ERI1: variants seen among roughly 807,000 people sequenced by gnomAD.
ERI1 encodes 3'-5' exoribonuclease 1.
A neutral mutation model predicts 39.7 loss-of-function variants in ERI1; 39 were observed. That is an observed-to-expected ratio of 0.98 (90% confidence interval 0.76 to 1.28). The LOEUF (loss-of-function observed/expected upper bound fraction) is 1.28. Ranked by LOEUF, ERI1 falls within the 50% of genes most tolerant of loss-of-function variation. The pLI is 0.00. For missense variants in ERI1, 581 were observed against 416.9 expected (o/e 1.39, Z -3.43); for synonymous variants, 204 against 149.6 (o/e 1.36, Z -2.65).
At chr8:9,020,559 A>T in intron 6 of ERI1, 95 bp downstream of exon 6, 1 of 766,820 alleles carries the variant, frequency 1.3e-6, no homozygotes, top group Non-Finnish European at 2.0e-6. Context: ...GGTGTTTTTC[A>T]TGGAAAAAAG....
rs543235098 is a variant in ERI1 at position 9,067,675 on chromosome 8, A to G, written n.299+47211A>G. On this transcript the variant is annotated intron_variant and non_coding_transcript_variant, in intron 3 of 3. Coordinates refer to the ERI1 transcript ENST00000518663. ...TTCTAAAAAAAAAAAAAAAAAGGTG[A>G]CAAGACCTTCCATAACATGGATAAG... Among the ~76,000 whole-genome samples the G allele has an allele frequency of 9.4e-5, 14 of 149,340 alleles. No individual in the cohort carries two copies. In the South Asian group the frequency reaches 3.0e-3, roughly 32 times the overall value.
At chr8:9,040,249 A>G (rs1055946298) in intron 3 of ERI1, among the ~76,000 whole-genome samples, 7 of 152,162 alleles carry the variant, frequency 4.6e-5, no homozygotes, top group Admixed American at 3.9e-4. Flanking sequence ...CTTTCACTTT[A>G]CCACATATTC....
Position 9,098,063 on chromosome 8 carries a change from T to G in ERI1, n.300-18285T>G, listed in dbSNP as rs150552004. 2.5e-3 allele frequency among the ~76,000 whole-genome samples: 380 copies of G among 152,286 alleles called. 2 individuals are homozygous for G. The highest frequency in any genetic ancestry group is 8.7e-3 in the African/African-American group (360 of 41,558). On this transcript the variant is annotated intron_variant and non_coding_transcript_variant, in intron 3 of 3. Transcript: ENST00000518663. ...CATGTTCTCACTCCTAAGTGGGAGC[T>G]AAGCTATGAGGATGCAAAGACATGA...
intron 3 of ERI1, among the ~76,000 whole-genome samples, chr8:9,083,650 G>A (rs570882801): frequency 8.0e-5 from 12 of 149,172 alleles, no homozygotes; most frequent in African/African-American, 1.5e-4. Flanking sequence ...AAAAAAAAGC[G>A]GGGGGGAAGA....
downstream of ERI1, among the ~76,000 whole-genome samples, chr8:9,037,732 C>G (rs1437476908): frequency 2.6e-5 from 4 of 152,066 alleles, no homozygotes; most frequent in Non-Finnish European, 4.4e-5. Context: ...GAGCTATCCC[C>G]TTTCCTTTTA....
In ERI1 at chr8:9,018,288, T is replaced by C. The variant is rs747593226; in HGVS notation, c.583-9T>C. On this transcript the variant is annotated splice_polypyrimidine_tract_variant and intron_variant, in intron 4 of 6. Transcript: ENST00000250263. Reference sequence around the variant, plus strand: ...CTGATTTTTGTATATTTTACTTTTATATCCTCAGGATCAGGTAGACAGAGC... The same window carrying C: ...CTGATTTTTGTATATTTTACTTTTACATCCTCAGGATCAGGTAGACAGAGC... The C allele has an allele frequency of 1.2e-5, 18 of 1,560,362 alleles. 1 individual carries two copies. In the South Asian group the frequency reaches 1.6e-4, roughly 14 times the overall value.
In ERI1 at chr8:9,067,514, G is replaced by A. The variant is rs115224405; in HGVS notation, n.299+47050G>A. On this transcript the variant is annotated intron_variant and non_coding_transcript_variant, in intron 3 of 3. Coordinates refer to the ERI1 transcript ENST00000518663. Reference sequence around the variant, plus strand: ...TACAAAAGATGCAAAAATTAGCTGGGCATGGTGGCATACACCTATTGTCCT... The same window carrying A: ...TACAAAAGATGCAAAAATTAGCTGGACATGGTGGCATACACCTATTGTCCT... Among the ~76,000 whole-genome samples the A allele has an allele frequency of 6.3e-3, 952 of 151,902 alleles. 10 individuals are homozygous for A. The highest frequency in any genetic ancestry group is 0.022 in the African/African-American group (926 of 41,400).
chr8:9,049,092 A>G (rs1798269448), intron 3 of ERI1, among the ~76,000 whole-genome samples: 1 of 151,946 alleles, frequency 6.6e-6, no homozygotes, highest in Admixed American at 6.6e-5. Context: ...TAATTCCAGC[A>G]CTTTGGGAGG....
chr8:9,008,138 C>CTT lies in ERI1; in HGVS notation c.278_279dup (p.Glu94LeufsTer6), dbSNP rs1442924674. ...CAGAGCTAAGCTTTCAGAATTCAAGCTTGAAACTAGGTAATTAAAAATAAC... is the reference window on the plus strand; with the variant it reads ...CAGAGCTAAGCTTTCAGAATTCAAGCTTTTGAAACTAGGTAATTAAAAATAAC... On this transcript the variant is annotated frameshift_variant, in exon 2 of 7. Transcript: ENST00000250263. LOFTEE classifies it high-confidence loss of function. 6.3e-7 allele frequency: 1 copy of CTT among 1,583,798 alleles called. No individual in the cohort carries two copies.
chr8:9,043,834 A>G (rs1478511507), intron 3 of ERI1, among the ~76,000 whole-genome samples: 2 of 152,240 alleles, frequency 1.3e-5, no homozygotes, highest in African/African-American at 2.4e-5. Flanking sequence ...ACTACAGGCC[A>G]TAATTGTATT....
At position 9,011,557 on chromosome 8, in the gene ERI1, T is replaced by C. The variant is rs1563312779; in HGVS notation, c.303T>C (p.Val101=). 2 of 1,607,540 alleles carry C rather than the reference T, an allele frequency of 1.2e-6. No individual in the cohort carries two copies. The highest frequency in any genetic ancestry group is 1.3e-5 in the African/African-American group (1 of 74,490). Residue 101 remains valine, a synonymous_variant, in exon 3 of 7, where the codon GTT becomes GTC. Transcript: ENST00000250263. ...FKLETRGVKD[V]LKKRLKNYYK... is the part of the protein sequence containing the mutation. Reference sequence around the variant, plus strand: ...TTCTACTTAGAGGAGTAAAGGATGTTCTAAAGAAGAGACTGAAAAACTATT... The same window carrying C: ...TTCTACTTAGAGGAGTAAAGGATGTCCTAAAGAAGAGACTGAAAAACTATT...
intron 2 of ERI1, among the ~76,000 whole-genome samples, chr8:9,009,579 C>T (rs1019164093): frequency 2.6e-5 from 4 of 152,038 alleles, no homozygotes; most frequent in Admixed American, 6.6e-5. Flanking sequence ...CTTGCTCTGT[C>T]GCCAGGCTGG....
At chr8:9,099,002 T>G (rs746248290) in intron 3 of ERI1, among the ~76,000 whole-genome samples, 24 of 151,896 alleles carry the variant, frequency 1.6e-4, no homozygotes, top group Non-Finnish European at 3.4e-4. Context: ...ATCCGGCTAA[T>G]TTTTGTATTT....
At chr8:9,099,566 G>A (rs1340680889) in intron 3 of ERI1, among the ~76,000 whole-genome samples, 1 of 147,110 alleles carries the variant, frequency 6.8e-6, no homozygotes, top group East Asian at 2.0e-4. Context: ...TTGCAATCCA[G>A]CCTGGGCAAT....
intron 3 of ERI1, among the ~76,000 whole-genome samples, chr8:9,048,962 T>C (rs1798266071): frequency 6.6e-6 from 1 of 152,040 alleles, no homozygotes; most frequent in African/African-American, 2.4e-5. Context: ...CTGTTCTTTA[T>C]GCACCCAGTC....
chr8:9,061,383 T>C lies in ERI1; in HGVS notation n.299+40919T>C, dbSNP rs547662666. On this transcript the variant is annotated intron_variant and non_coding_transcript_variant, in intron 3 of 3. Transcript: ENST00000518663. ...AGACTCAACAAAGAGTGAGTACAGCTGAAGGACCCGGGGAGCAGAAAGTAT... is the reference window on the plus strand; with the variant it reads ...AGACTCAACAAAGAGTGAGTACAGCCGAAGGACCCGGGGAGCAGAAAGTAT... 2.0e-5 allele frequency among the ~76,000 whole-genome samples: 3 copies of C among 152,166 alleles called. No individual in the cohort carries two copies. In the East Asian group the frequency reaches 5.8e-4, roughly 29 times the overall value.
intron 3 of ERI1, among the ~76,000 whole-genome samples, chr8:9,090,405 G>A (rs1055088212): frequency 6.6e-6 from 1 of 152,118 alleles, no homozygotes; most frequent in Non-Finnish European, 1.5e-5. Context: ...TCCAGCCAAA[G>A]GAAATAATCA....
intron 3 of ERI1, chr8:9,091,520 AG>A (rs1308282064): frequency 6.6e-6 from 1 of 152,002 alleles, no homozygotes; most frequent in Non-Finnish European, 1.5e-5. Flanking sequence ...AAAAAAAAAA[AG>A]AGTTCTTGCC....
At chr8:9,098,033 C>T (rs1226490266) in intron 3 of ERI1, among the ~76,000 whole-genome samples, 6 of 152,348 alleles carry the variant, frequency 3.9e-5, no homozygotes, top group African/African-American at 1.2e-4. Flanking sequence ...GAAAACCAAA[C>T]ATCGCATGTT....
Sources: allele counts gnomAD v4.1 joint callset (sites outside exome capture counted in the v4.1 genomes callset), GRCh38; gene constraint gnomAD v4.1.1; transcripts MANE v1.5; gene names NCBI Gene and HGNC (gene_info 2026-07-23, HGNC 2026-07-21).